AUTS2: variants seen among roughly 807,000 people sequenced by gnomAD.
AUTS2 encodes autism susceptibility gene 2 protein.
A neutral mutation model predicts 112.4 loss-of-function variants in AUTS2; 17 were observed. That is an observed-to-expected ratio of 0.15 (90% CI 0.10 to 0.23). The LOEUF (loss-of-function observed/expected upper bound fraction) is 0.23, where lower values mean the gene tolerates loss of function less well. Among genes scored for constraint, AUTS2 ranks in the 10% least tolerant of loss-of-function variants. The pLI is 1.00. For synonymous variants in AUTS2, 751 were observed against 702.7 expected, an observed-to-expected ratio of 1.07 and a Z score of -1.09; for missense variants, 1,510 against 1,701.6, an observed-to-expected ratio of 0.89 and a Z score of 1.98.
intron 4 of AUTS2, among the ~76,000 whole-genome samples, chr7:70,185,720 T>C (rs1809567596): frequency 6.6e-6 from 1 of 152,208 alleles, no homozygotes; most frequent in South Asian, 2.1e-4. Context: ...CAAGCCTATG[T>C]AGTTTGGACC....
chr7:69,785,953 C>T (rs1789352070), intron 1 of AUTS2, among the ~76,000 whole-genome samples: 2 of 152,158 alleles, frequency 1.3e-5, no homozygotes, highest in African/African-American at 4.8e-5. Context: ...GCTTCAGCCT[C>T]CCAAGTAGCT....
chr7:69,892,765 G>C (rs1437774009), intron 1 of AUTS2, among the ~76,000 whole-genome samples: 3 of 152,138 alleles, frequency 2.0e-5, no homozygotes, highest in Non-Finnish European at 4.4e-5. Flanking sequence ...AATATAGTTT[G>C]TGTTAGTTTT....
intron 4 of AUTS2, among the ~76,000 whole-genome samples, chr7:70,161,956 T>G (rs1015215899): frequency 1.3e-5 from 2 of 152,204 alleles, no homozygotes; most frequent in African/African-American, 2.4e-5. Context: ...GTTACTGGCA[T>G]ACTCCTTGAT....
At chr7:70,129,269 T>C (rs1264165352) in intron 3 of AUTS2, among the ~76,000 whole-genome samples, 4 of 152,200 alleles carry the variant, frequency 2.6e-5, no homozygotes, top group Non-Finnish European at 4.4e-5. Flanking sequence ...AAAGAACTGA[T>C]GTCCCAGGTC....
intron 5 of AUTS2, among the ~76,000 whole-genome samples, chr7:70,612,403 G>T (rs1310451920): frequency 6.6e-6 from 1 of 152,142 alleles, no homozygotes; most frequent in Non-Finnish European, 1.5e-5. Flanking sequence ...TCCAGGAAGA[G>T]GCAGAGTCAA....
intron 2 of AUTS2, among the ~76,000 whole-genome samples, chr7:69,975,929 C>G (rs1798041637): frequency 6.6e-6 from 1 of 152,072 alleles, no homozygotes; most frequent in Non-Finnish European, 1.5e-5. Flanking sequence ...CTCAGGTGAT[C>G]CGCCCACCAA....
In AUTS2 at chr7:69,675,726, C is replaced by T. The variant is rs148909830; in HGVS notation, c.309+75764C>T. On this transcript the variant is annotated intron_variant, in intron 1 of 18. Coordinates refer to ENST00000342771, the MANE Select transcript of AUTS2 (RefSeq NM_015570.4). ...TTCTCTATGCTGGCCAGGTTGGTCT[C>T]GAACTCCTGACCTCAGGTGGTCCTC... Among the ~76,000 whole-genome samples, 303 of 152,028 alleles carry T rather than the reference C, an allele frequency of 2.0e-3. 3 individuals carry two copies. The highest frequency in any genetic ancestry group is 6.7e-3 in the African/African-American group (278 of 41,468).
intron 4 of AUTS2, among the ~76,000 whole-genome samples, chr7:70,360,336 AGAAACCCCTAGT>A (rs1431490242): frequency 6.6e-6 from 1 of 152,094 alleles, no homozygotes. Flanking sequence ...CTTGGGATAT[AGAAACCCCTAGT>A]GTTGTCCAGG....
intron 4 of AUTS2, among the ~76,000 whole-genome samples, chr7:70,159,638 G>C (rs928440393): frequency 6.6e-6 from 1 of 152,128 alleles, no homozygotes; most frequent in Non-Finnish European, 1.5e-5. Flanking sequence ...ATGCAATGCT[G>C]GGGGTGTTTA....
chr7:69,923,235 C>G (rs1337993330), intron 2 of AUTS2, among the ~76,000 whole-genome samples: 1 of 152,168 alleles, frequency 6.6e-6, no homozygotes, highest in African/African-American at 2.4e-5. Context: ...TTTGAAAAAG[C>G]TGTCCATTCT....
intron 11 of AUTS2, among the ~76,000 whole-genome samples, 184 bp from the exon 12 acceptor site, chr7:70,773,844 C>G (rs184518101): frequency 4.6e-5 from 7 of 152,312 alleles, no homozygotes; most frequent in African/African-American, 7.2e-5. Flanking sequence ...CTGGAGAGAG[C>G]AAGCTGTGGT....
intron 4 of AUTS2, among the ~76,000 whole-genome samples, chr7:70,221,809 C>A (rs958082293): frequency 1.3e-5 from 2 of 152,176 alleles, no homozygotes; most frequent in Non-Finnish European, 2.9e-5. Context: ...ATTACTTGAA[C>A]CTGGGAGGCA....
At chr7:69,885,264 G>A (rs1323169713) in intron 1 of AUTS2, among the ~76,000 whole-genome samples, 1 of 152,146 alleles carries the variant, frequency 6.6e-6, no homozygotes, top group Non-Finnish European at 1.5e-5. Context: ...GGAATTCAGG[G>A]TCTAGAGTAT....
chr7:69,714,610 T>G (rs1249534195), intron 1 of AUTS2, among the ~76,000 whole-genome samples: 1 of 152,152 alleles, frequency 6.6e-6, no homozygotes, highest in Non-Finnish European at 1.5e-5. Context: ...TTACTGAAGC[T>G]TTATATTAAA....
At chr7:70,598,726 G>A (rs1200882953) in intron 5 of AUTS2, among the ~76,000 whole-genome samples, 1 of 152,158 alleles carries the variant, frequency 6.6e-6, no homozygotes, top group East Asian at 1.9e-4. Flanking sequence ...TGGTGTGAAA[G>A]TTTCCTTCTA....
chr7:70,785,359 T>C lies in AUTS2; in HGVS notation c.2224+340T>C, dbSNP rs919056269. On this transcript the variant is annotated intron_variant, in intron 16 of 18. Transcript: ENST00000342771. ...CCCATTGGAAGAAGATGGTGAGCTC[T>C]TGCCCCATAGCAAAGGTCACCTCTA... is the stretch of plus-strand genomic sequence containing the variant. 10 of 546,006 alleles carry C rather than the reference T, an allele frequency of 1.8e-5. No individual in the cohort carries two copies. In the East Asian group the frequency reaches 2.3e-4, roughly 13 times the overall value. 33.8% of individuals were successfully genotyped at this position (546,006 alleles called of 1,614,324 possible).
In AUTS2 at chr7:70,733,198, A is replaced by G. The variant is rs371886549; in HGVS notation, c.743-29672A>G. 1.3e-4 allele frequency among the ~76,000 whole-genome samples: 20 copies of G among 152,322 alleles called. 1 individual carries two copies. The East Asian group carries it at 3.3e-3, about 25-fold the overall frequency. On this transcript the variant is annotated intron_variant, in intron 6 of 18. Transcript: ENST00000342771. Reference sequence around the variant, plus strand: ...ATTCTTCAAGGAAGGGGATGGAGGAAAATCTCTATCTGCAGAGATAATAGC... The same window carrying G: ...ATTCTTCAAGGAAGGGGATGGAGGAGAATCTCTATCTGCAGAGATAATAGC...
intron 5 of AUTS2, among the ~76,000 whole-genome samples, chr7:70,535,278 C>G (rs1218042450): frequency 6.6e-6 from 1 of 152,012 alleles, no homozygotes; most frequent in Non-Finnish European, 1.5e-5. Context: ...CTTGGTGCCT[C>G]TTATATTTTT....
chr7:70,389,342 T>C lies in AUTS2; in HGVS notation c.661-46410T>C, dbSNP rs151089033. 4.4e-4 allele frequency among the ~76,000 whole-genome samples: 67 copies of C among 152,168 alleles called. 1 individual carries two copies. In the East Asian group the frequency reaches 0.013, roughly 29 times the overall value. The stretch of plus-strand genomic sequence containing the variant: ...TCAGTGCCTAGAGCTGCCAGCCCAA[T>C]GGGGAAAAAAAACACGAAGTTTTCA... On this transcript the variant is annotated intron_variant, in intron 4 of 18. Transcript: ENST00000342771.
Sources: gnomAD v4.1 joint callset for allele counts (sites outside exome capture counted in the v4.1 genomes callset) on GRCh38, gnomAD v4.1.1 for gene constraint, MANE v1.5 for transcripts, NCBI Gene and HGNC (gene_info 2026-07-23, HGNC 2026-07-21) for gene names.